The following GAS2 variants were observed in gnomAD, a reference collection of about 807,000 sequenced individuals.
GAS2 encodes the protein growth arrest specific 2.
In GAS2, 20 loss-of-function variants were observed where a neutral mutation model predicts 37.5. The ratio of observed to expected loss-of-function variants is 0.53; its 90% confidence interval spans 0.37 to 0.77. The LOEUF (loss-of-function observed/expected upper bound fraction) is 0.77, where lower values mean the gene tolerates loss of function less well. Ranked by LOEUF, GAS2 falls within the 30% of genes least tolerant of loss-of-function variation. The probability of loss-of-function intolerance (pLI) is 0.00; values close to 1 mark genes in which losing one functional copy is unlikely to be tolerated. For synonymous variants in GAS2, 144 were observed against 132.2 expected (o/e 1.09, Z -0.61); for missense variants, 336 against 373.4 (o/e 0.90, Z 0.82).
chr11:22,805,978 C>A (rs1396043764), intron 7 of GAS2, among the ~76,000 whole-genome samples: 1 of 152,066 alleles, frequency 6.6e-6, no homozygotes, highest in Admixed American at 6.6e-5. Context: ...TTCTTTACTG[C>A]AACCTGTTGT....
intron 3 of GAS2, among the ~76,000 whole-genome samples, chr11:22,714,948 A>G (rs1851592560): frequency 6.6e-6 from 1 of 152,228 alleles, no homozygotes; most frequent in Admixed American, 6.5e-5. Flanking sequence ...CTCACACCTC[A>G]AGGAACTAGA....
At chr11:22,646,562 G>C (rs926942543) in intron 1 of GAS2, among the ~76,000 whole-genome samples, 17 of 152,184 alleles carry the variant, frequency 1.1e-4, no homozygotes, top group Non-Finnish European at 2.4e-4. Flanking sequence ...ACAGGGAGTT[G>C]TAAGGACTTC....
At chr11:22,758,430 C>T (rs1353750973) in intron 7 of GAS2, among the ~76,000 whole-genome samples, 4 of 152,164 alleles carry the variant, frequency 2.6e-5, no homozygotes, top group African/African-American at 4.8e-5. Flanking sequence ...ATGACACATA[C>T]ATTGTGTCTT....
intron 7 of GAS2, among the ~76,000 whole-genome samples, chr11:22,779,793 C>A (rs1200912102): frequency 6.6e-6 from 1 of 151,782 alleles, no homozygotes; most frequent in African/African-American, 2.4e-5. Context: ...TATCCATTTT[C>A]TAACATCTCA....
intron 3 of GAS2, among the ~76,000 whole-genome samples, chr11:22,701,220 G>A (rs1229495400): frequency 6.6e-6 from 1 of 152,226 alleles, no homozygotes; most frequent in East Asian, 1.9e-4. Context: ...TATGATCATG[G>A]AGTATAGCAA....
At chr11:22,682,869 T>TAAA (rs371098220) in intron 2 of GAS2, among the ~76,000 whole-genome samples, 329 of 77,464 alleles carry the variant, frequency 4.2e-3, no homozygotes, top group Middle Eastern at 0.011. Context: ...CACTTTCTGC[T>TAAA]AAAAAAAAAA....
rs1421316581 is a variant in GAS2 at position 22,763,098 on chromosome 11, T to C, written c.723+7145T>C. Among the ~76,000 whole-genome samples, 5 of 152,346 alleles carry C rather than the reference T, an allele frequency of 3.3e-5. No individual in the cohort carries two copies. The East Asian group carries it at 9.6e-4, about 29-fold the overall frequency. On this transcript the variant is annotated intron_variant, in intron 7 of 7. Transcript: ENST00000454584. ...AAGAAAAGACAATGAATAATTTAAT[T>C]GGAAGTCAGCAAAGGGATTTGAAAT...
upstream of GAS2, among the ~76,000 whole-genome samples, chr11:22,664,906 T>C (rs1176169963): frequency 6.6e-6 from 1 of 152,150 alleles, no homozygotes. Flanking sequence ...AACTCTTAGA[T>C]GTTAATGAAA....
chr11:22,680,756 G>T (rs372915279), intron 2 of GAS2, among the ~76,000 whole-genome samples: 7 of 152,122 alleles, frequency 4.6e-5, no homozygotes, highest in African/African-American at 1.7e-4. Flanking sequence ...CATAGAAAAA[G>T]ACAGCGGCAT....
chr11:22,752,867 T>A (rs918346945), intron 6 of GAS2, among the ~76,000 whole-genome samples: 1 of 152,086 alleles, frequency 6.6e-6, no homozygotes. Context: ...TGACCCTTTA[T>A]GTGGAAAATA....
chr11:22,781,036 C>G (rs1016174542), intron 7 of GAS2, among the ~76,000 whole-genome samples: 6 of 152,162 alleles, frequency 3.9e-5, no homozygotes, highest in Non-Finnish European at 8.8e-5. Context: ...AACATCCCCC[C>G]AGACTAGATA....
intron 7 of GAS2, among the ~76,000 whole-genome samples, chr11:22,761,497 T>C (rs1358215995): frequency 6.6e-6 from 1 of 152,328 alleles, no homozygotes; most frequent in African/African-American, 2.4e-5. Context: ...ATGTAATGAA[T>C]ACTTTTTTAC....
chr11:22,656,654 T>C (rs1848858777), intron 1 of GAS2, among the ~76,000 whole-genome samples: 1 of 152,178 alleles, frequency 6.6e-6, no homozygotes, highest in Non-Finnish European at 1.5e-5. Flanking sequence ...CCCCATACTT[T>C]ATTAATAAAC....
At chr11:22,666,496 G>A (rs1200775823), upstream of GAS2, 2 of 152,318 alleles carry the variant, frequency 1.3e-5, no homozygotes, top group Non-Finnish European at 2.9e-5. Context: ...GGGACAAGGA[G>A]GGGGCTGGAG....
chr11:22,697,944 G>C (rs1213014276), intron 3 of GAS2, among the ~76,000 whole-genome samples: 4 of 152,030 alleles, frequency 2.6e-5, no homozygotes, highest in African/African-American at 7.2e-5. Flanking sequence ...ATTTCCTTCT[G>C]CTGCGTAATT....
chr11:22,650,828 G>C (rs1590571292), intron 1 of GAS2, among the ~76,000 whole-genome samples: 1 of 151,896 alleles, frequency 6.6e-6, no homozygotes, highest in East Asian at 1.9e-4. Flanking sequence ...CCGTGAGATG[G>C]GTTTCCTGAA....
At chr11:22,724,199 A>G (rs996027345) in intron 3 of GAS2, among the ~76,000 whole-genome samples, 3 of 152,010 alleles carry the variant, frequency 2.0e-5, no homozygotes, top group African/African-American at 7.2e-5. Flanking sequence ...AAAATGATCC[A>G]TCATAGGAAA....
At chr11:22,670,309 T>C (rs1194990985) in intron 1 of GAS2, among the ~76,000 whole-genome samples, 2 of 145,772 alleles carry the variant, frequency 1.4e-5, no homozygotes, top group Non-Finnish European at 3.0e-5. Context: ...TCTGTGTGTG[T>C]AGATGGGGTG....
chr11:22,796,993 C>G (rs1019397803), intron 7 of GAS2, among the ~76,000 whole-genome samples: 1 of 151,982 alleles, frequency 6.6e-6, no homozygotes, highest in Non-Finnish European at 1.5e-5. Flanking sequence ...CCTCTGACAC[C>G]AACATTTTCT....
Sources: gnomAD v4.1 joint callset for allele counts (sites outside exome capture counted in the v4.1 genomes callset) on GRCh38, gnomAD v4.1.1 for gene constraint, MANE v1.5 for transcripts, NCBI Gene and HGNC (gene_info 2026-07-23, HGNC 2026-07-21) for gene names.